Variants in CD164 observed in about 807,000 individuals in gnomAD.
CD164 encodes CD164 molecule.
A neutral mutation model predicts 24.6 loss-of-function variants in CD164; 11 were observed. The ratio of observed to expected loss-of-function variants is 0.45; its 90% CI spans 0.28 to 0.74. The LOEUF (loss-of-function observed/expected upper bound fraction) is 0.74, where lower values mean the gene tolerates loss of function less well. Ranked by LOEUF, CD164 falls within the 30% of genes least tolerant of loss-of-function variation. CD164 has a pLI of 0.13. For synonymous variants in CD164, 126 were observed against 100.3 expected, an observed-to-expected ratio of 1.26 and a Z score of -1.53; for missense variants, 295 against 243.7, an observed-to-expected ratio of 1.21 and a Z score of -1.40.
chr6:109,369,332 T>C (rs998430136), intron 5 of CD164, among the ~76,000 whole-genome samples: 1 of 152,232 alleles, frequency 6.6e-6, no homozygotes, highest in African/African-American at 2.4e-5. Context: ...TTCTTCAGAC[T>C]ATGTACTTTT....
chr6:109,382,387 C>G lies in CD164; in HGVS notation c.-9G>C, dbSNP rs1156544903. The G allele has an allele frequency of 2.6e-6, 4 of 1,523,376 alleles. No individual in the cohort carries two copies. Among genetic ancestry groups the G allele is most frequent in the South Asian group, 1.2e-5 (1 of 81,720 alleles). 94.4% of individuals were successfully genotyped at this position (1,523,376 alleles called of 1,614,324 possible). A position where few individuals can be genotyped will look rare whatever the true frequency, so the allele number is the denominator to read the frequency against. ...CGGGAGAGCCGCGACATCGTGTCCT[C>G]AGCGCTGGCGTTCGGGAGAAAGCTA... is the stretch of plus-strand genomic sequence containing the variant. On this transcript the variant is annotated 5_prime_UTR_variant, in exon 1 of 6. Coordinates refer to ENST00000310786, the MANE Select transcript of CD164 (RefSeq NM_006016.6).
chr6:109,375,940 TG>T, intron 4 of CD164, 133 bp downstream of exon 4: 1 of 659,500 alleles, frequency 1.5e-6, no homozygotes, highest in South Asian at 1.9e-5. Flanking sequence ...TTAATTGCTG[TG>T]GTCCAAGACT....
At chr6:109,380,864 C>T (rs1234311561) in intron 1 of CD164, among the ~76,000 whole-genome samples, 1 of 152,216 alleles carries the variant, frequency 6.6e-6, no homozygotes, top group African/African-American at 2.4e-5. Flanking sequence ...ACATATTCTG[C>T]TCTATCATCT....
At chr6:109,378,403 G>T (rs1049407235) in intron 2 of CD164, among the ~76,000 whole-genome samples, 2 of 151,334 alleles carry the variant, frequency 1.3e-5, no homozygotes, top group African/African-American at 4.9e-5. Context: ...CCAATATGGT[G>T]AGACCCTGCC....
At chr6:109,369,364 T>C (rs1466616863) in intron 5 of CD164, among the ~76,000 whole-genome samples, 1 of 152,200 alleles carries the variant, frequency 6.6e-6, no homozygotes, top group Non-Finnish European at 1.5e-5. Flanking sequence ...AGTGTAAACG[T>C]CAATAGTGCT....
chr6:109,371,800 G>C (rs1385142336), intron 4 of CD164: 2 of 153,294 alleles, frequency 1.3e-5, no homozygotes, highest in Non-Finnish European at 2.9e-5. Context: ...AGCTTATTTT[G>C]TCTCAGGAAA....
intron 1 of CD164, among the ~76,000 whole-genome samples, chr6:109,380,775 A>T (rs1357596130): frequency 6.6e-6 from 1 of 152,306 alleles, no homozygotes; most frequent in East Asian, 1.9e-4. Context: ...ACAAAGACAA[A>T]TTAATTTGAT....
chr6:109,379,632 G>T lies in CD164; in HGVS notation c.206C>A (p.Ser69Tyr), dbSNP rs140147914. The change falls in exon 2 of 6, where the codon TCC becomes TAC. Residue 69 changes from serine to tyrosine, a missense_variant. Transcript: ENST00000310786. ...ETCEGRNSCVSCFNVSVVNTT... is the reference protein window; with the variant it reads ...ETCEGRNSCVYCFNVSVVNTT... The stretch of plus-strand genomic sequence containing the variant: ...ATTAACAACGCTAACATTAAAACAG[G>T]AAACGCAGCTGTTTCGACCTTCACA... The T allele has an allele frequency of 1.2e-6, 2 of 1,613,354 alleles. No homozygotes were observed. The highest frequency in any genetic ancestry group is 1.7e-6 in the Non-Finnish European group (2 of 1,179,812).
chr6:109,381,422 T>C lies in CD164; in HGVS notation c.175+782A>G, dbSNP rs1031820917. 3.1e-5 allele frequency: 21 copies of C among 685,240 alleles called. No individual in the cohort carries two copies. The Middle Eastern group carries it at 1.9e-3, about 62-fold the overall frequency. 42.4% of individuals were successfully genotyped at this position (685,240 alleles called of 1,614,324 possible). ...ATAGTTAAGAAAATTTTAAAAACAA[T>C]TGAAAAAAGAATAAACATACAATGT... is the stretch of plus-strand genomic sequence containing the variant. On this transcript the variant is annotated intron_variant, in intron 1 of 5. Coordinates refer to ENST00000310786, the MANE Select transcript of CD164 (RefSeq NM_006016.6).
chr6:109,375,674 C>A (rs886272362), intron 4 of CD164, among the ~76,000 whole-genome samples: 17 of 149,204 alleles, frequency 1.1e-4, no homozygotes, highest in Non-Finnish European at 7.4e-5. Flanking sequence ...CGTTATCGTA[C>A]AATTTCATAA....
chr6:109,378,044 A>C (rs1771519134), intron 2 of CD164, 73 bp from the exon 3 acceptor site: 3 of 1,271,908 alleles, frequency 2.4e-6, no homozygotes, highest in Non-Finnish European at 3.4e-6. Context: ...TCTGCTACTA[A>C]GCTCTATGAA....
intron 5 of CD164, 84 bp downstream of exon 5, chr6:109,370,327 A>G: frequency 2.7e-6 from 3 of 1,117,812 alleles, no homozygotes; most frequent in Non-Finnish European, 4.1e-6. Flanking sequence ...TAACGAAGAA[A>G]GCTGGAAAAT....
At chr6:109,374,499 T>C (rs941962016) in intron 4 of CD164, among the ~76,000 whole-genome samples, 4 of 152,184 alleles carry the variant, frequency 2.6e-5, no homozygotes, top group African/African-American at 9.7e-5. Context: ...TCTAGAATTA[T>C]TGTAACAGGC....
chr6:109,378,314 G>A (rs1562242349), intron 2 of CD164, among the ~76,000 whole-genome samples: 1 of 152,194 alleles, frequency 6.6e-6, no homozygotes, highest in Non-Finnish European at 1.5e-5. Flanking sequence ...TGGGCAGGTG[G>A]CTCACGCCTA....
In CD164 at chr6:109,366,828, T is replaced by C. The variant is rs1253291123; in HGVS notation, c.*2023A>G. On this transcript the variant is annotated 3_prime_UTR_variant, in exon 6 of 6. Transcript: ENST00000310786. ...TGTGAGTTCTGTTGCAAGAGCTCAT[T>C]TGTAGACTTGCAAAATCTAACTAAT... is the stretch of plus-strand genomic sequence containing the variant. The C allele has an allele frequency of 1.3e-5, 2 of 152,544 alleles. No individual in the cohort carries two copies. The highest frequency in any genetic ancestry group is 2.4e-5 in the African/African-American group (1 of 41,466). 9.4% of individuals were successfully genotyped at this position (152,544 alleles called of 1,614,324 possible).
At chr6:109,379,271 C>T (rs1771599197) in intron 2 of CD164, among the ~76,000 whole-genome samples, 1 of 152,126 alleles carries the variant, frequency 6.6e-6, no homozygotes, top group African/African-American at 2.4e-5. Context: ...ACTAGGGAGG[C>T]CAAGGTTGGA....
In CD164 at chr6:109,367,335, A is replaced by C. The variant is rs8465; in HGVS notation, c.*1516T>G. On this transcript the variant is annotated 3_prime_UTR_variant, in exon 6 of 6. Transcript: ENST00000310786. ...ATGCAGAGTTTGTTTATGAAATGAA[A>C]CAAAGCAGTTTGTCATTTCTTACTA... is the stretch of plus-strand genomic sequence containing the variant. 79,630 of 152,416 alleles carry C rather than the reference A, an allele frequency of 0.52. 21,922 individuals carry two copies. Among genetic ancestry groups the C allele is most frequent in the African/African-American group, 0.71 (29,535 of 41,482 alleles). The allele number at this position is 152,416 out of a possible 1,614,324, so 9.4% of individuals were successfully genotyped here.
rs1156544903 is a variant in CD164 at position 109,382,387 on chromosome 6, C to T, written c.-9G>A. The stretch of plus-strand genomic sequence containing the variant: ...CGGGAGAGCCGCGACATCGTGTCCT[C>T]AGCGCTGGCGTTCGGGAGAAAGCTA... On this transcript the variant is annotated 5_prime_UTR_variant, in exon 1 of 6. Transcript: ENST00000310786. 5 of 1,523,254 alleles carry T rather than the reference C, an allele frequency of 3.3e-6. No homozygotes were observed. Among genetic ancestry groups the T allele is most frequent in the Admixed American group, 2.0e-5 (1 of 49,658 alleles). The allele number at this position is 1,523,254 out of a possible 1,614,324, so 94.4% of individuals were successfully genotyped here. A position where few individuals can be genotyped will look rare whatever the true frequency, so the allele number is the denominator to read the frequency against.
At chr6:109,375,887 C>A in intron 4 of CD164, 187 bp downstream of exon 4, 1 of 546,126 alleles carries the variant, frequency 1.8e-6, no homozygotes, top group South Asian at 2.6e-5. Context: ...GACTATAAAA[C>A]ACTGGAGCTA....
Sources: gnomAD v4.1 joint callset for allele counts (sites outside exome capture counted in the v4.1 genomes callset) on GRCh38, gnomAD v4.1.1 for gene constraint, MANE v1.5 for transcripts, NCBI Gene and HGNC (gene_info 2026-07-23, HGNC 2026-07-21) for gene names.